Variants in RBFOX2 observed in about 807,000 individuals in gnomAD.
RBFOX2 encodes RNA binding protein fox-1 homolog 2.
Under a neutral mutation model 49.1 loss-of-function variants are expected in RBFOX2, and 10 were observed. That is an observed-to-expected ratio of 0.20 (90% CI 0.13 to 0.35). The LOEUF (loss-of-function observed/expected upper bound fraction) is 0.35. Ranked by LOEUF, RBFOX2 falls within the 10% of genes least tolerant of loss-of-function variation. The pLI is 1.00. For synonymous variants in RBFOX2, 183 were observed against 187.4 expected (o/e 0.98, Z 0.19); for missense variants, 323 against 486.9 (o/e 0.66, Z 3.17).
chr22:35,982,541 G>A (rs187097054), intron 1 of RBFOX2, among the ~76,000 whole-genome samples: 50 of 152,196 alleles, frequency 3.3e-4, no homozygotes, highest in Middle Eastern at 3.4e-3. Flanking sequence ...GCATACGGGC[G>A]CTAAATAAAC....
At chr22:35,790,232 T>C (rs1947327358) in intron 2 of RBFOX2, among the ~76,000 whole-genome samples, 1 of 152,216 alleles carries the variant, frequency 6.6e-6, no homozygotes, top group African/African-American at 2.4e-5. Flanking sequence ...ATGTATATTC[T>C]AGGAAACATT....
At chr22:35,901,296 AACT>A (rs2048537948) in intron 1 of RBFOX2, among the ~76,000 whole-genome samples, 1 of 152,176 alleles carries the variant, frequency 6.6e-6, no homozygotes, top group Non-Finnish European at 1.5e-5. Flanking sequence ...ATCACTGAAA[AACT>A]TACCCTGGAT....
chr22:35,912,463 T>G (rs1019752110), intron 1 of RBFOX2, among the ~76,000 whole-genome samples: 20 of 152,192 alleles, frequency 1.3e-4, no homozygotes, highest in Admixed American at 1.3e-3. Flanking sequence ...ACTTAACCTT[T>G]AAGGCCTACC....
intron 1 of RBFOX2, among the ~76,000 whole-genome samples, chr22:35,905,789 T>C (rs2049057956): frequency 6.6e-6 from 1 of 152,030 alleles, no homozygotes; most frequent in African/African-American, 2.4e-5. Context: ...AATACTCTAA[T>C]AGAGTCATGC....
intron 1 of RBFOX2, among the ~76,000 whole-genome samples, chr22:35,904,080 C>T (rs2048873637): frequency 6.6e-6 from 1 of 152,142 alleles, no homozygotes; most frequent in African/African-American, 2.4e-5. Context: ...CAATTCCTCT[C>T]CCCCATACCC....
intron 2 of RBFOX2, among the ~76,000 whole-genome samples, chr22:35,784,870 G>A (rs1299647292): frequency 4.6e-5 from 7 of 152,242 alleles, no homozygotes; most frequent in Admixed American, 4.6e-4. Flanking sequence ...GGTGGGGCAG[G>A]CTCCTAGGCC....
At chr22:35,762,905 A>C (rs1486401294) in intron 6 of RBFOX2, among the ~76,000 whole-genome samples, 3 of 152,230 alleles carry the variant, frequency 2.0e-5, no homozygotes, top group African/African-American at 7.2e-5. Context: ...GATTCAATCC[A>C]ATCTCTTATT....
intron 1 of RBFOX2, among the ~76,000 whole-genome samples, chr22:35,968,668 A>G (rs2056703113): frequency 6.6e-6 from 1 of 152,234 alleles, no homozygotes; most frequent in African/African-American, 2.4e-5. Flanking sequence ...ATAATTTCCC[A>G]TGGCATTCAT....
intron 1 of RBFOX2, among the ~76,000 whole-genome samples, chr22:35,835,287 G>A (rs1957453548): frequency 6.6e-6 from 1 of 152,034 alleles, no homozygotes; most frequent in Non-Finnish European, 1.5e-5. Context: ...TATACCAGAA[G>A]GAGACCAGGG....
chr22:35,928,984 T>C (rs979515489), intron 1 of RBFOX2, among the ~76,000 whole-genome samples: 6 of 152,114 alleles, frequency 3.9e-5, no homozygotes, highest in African/African-American at 1.4e-4. Context: ...GAGGCCACGT[T>C]GTCTCAAGCT....
chr22:35,789,781 G>GGTT (rs1206672211), intron 2 of RBFOX2, among the ~76,000 whole-genome samples: 1 of 152,106 alleles, frequency 6.6e-6, no homozygotes, highest in East Asian at 1.9e-4. Flanking sequence ...TGGTGGTGGT[G>GGTT]GTTGTTGTTT....
intron 1 of RBFOX2, among the ~76,000 whole-genome samples, chr22:36,004,682 G>C (rs532343299): frequency 2.6e-5 from 4 of 152,262 alleles, no homozygotes; most frequent in African/African-American, 9.6e-5. Flanking sequence ...TGTAATCCCA[G>C]CTACTTGGGA....
At chr22:36,020,712 GTT>G in intron 1 of RBFOX2, among the ~76,000 whole-genome samples, 1 of 152,314 alleles carries the variant, frequency 6.6e-6, no homozygotes, top group South Asian at 2.1e-4. Context: ...TCTCACAACA[GTT>G]AGAATGGCGA....
At chr22:35,807,933 T>C (rs932462753) in intron 2 of RBFOX2, among the ~76,000 whole-genome samples, 3 of 152,000 alleles carry the variant, frequency 2.0e-5, no homozygotes, top group Non-Finnish European at 4.4e-5. Flanking sequence ...AAAACGATTA[T>C]ATGAAATTAT....
chr22:35,793,405 T>G (rs1476994059), intron 2 of RBFOX2, among the ~76,000 whole-genome samples: 1 of 152,122 alleles, frequency 6.6e-6, no homozygotes, highest in Non-Finnish European at 1.5e-5. Context: ...TAAAAATGTT[T>G]ACGATGGAGT....
At chr22:36,015,247 T>C (rs1237586260) in intron 1 of RBFOX2, among the ~76,000 whole-genome samples, 2 of 152,186 alleles carry the variant, frequency 1.3e-5, no homozygotes, top group African/African-American at 4.8e-5. Context: ...ACACAAAACA[T>C]AGTAAAATCT....
intron 11 of RBFOX2, 46 bp downstream of exon 13, chr22:35,745,877 A>G (rs1296347922): frequency 6.5e-7 from 1 of 1,543,260 alleles, no homozygotes; most frequent in Non-Finnish European, 9.0e-7. Flanking sequence ...CGGGTAAAAG[A>G]AGGAATGAAA....
chr22:35,861,760 T>G (rs2043122035), intron 1 of RBFOX2, among the ~76,000 whole-genome samples: 1 of 152,150 alleles, frequency 6.6e-6, no homozygotes, highest in Admixed American at 6.5e-5. Flanking sequence ...ACCTACCATA[T>G]GATCTATCTA....
At position 35,749,516 on chromosome 22, in the gene RBFOX2, C is replaced by T. The variant is rs1602075783; in HGVS notation, c.888-2955G>A. 6.7e-6 allele frequency among the ~76,000 whole-genome samples: 1 copy of T among 149,796 alleles called. No homozygotes were observed. Among genetic ancestry groups the T allele is most frequent in the Non-Finnish European group, 1.5e-5 (1 of 66,512 alleles). On this transcript the variant is annotated intron_variant, in intron 9 of 11. Coordinates refer to ENST00000405409, the Ensembl canonical transcript of RBFOX2. The surrounding 1 kb of genome is among the most constrained non-coding windows in gnomAD (Gnocchi z 4.1). ...TTCCTCTCTCTCTCTCTTACACACA[C>T]ACACGCACACACACACATACACTTA...
Sources: allele counts gnomAD v4.1 joint callset (sites outside exome capture counted in the v4.1 genomes callset), GRCh38; gene constraint gnomAD v4.1.1; non-coding constraint Gnocchi (gnomAD v3.1); transcripts MANE v1.5; gene names NCBI Gene and HGNC (gene_info 2026-07-23, HGNC 2026-07-21).